CALN1: variants seen among roughly 807,000 people sequenced by gnomAD.
The protein encoded by CALN1 is calneuron 1.
In CALN1, 17 loss-of-function variants were observed where a neutral mutation model predicts 30.6. The ratio of observed to expected loss-of-function variants is 0.56; its 90% CI spans 0.38 to 0.83. The LOEUF (loss-of-function observed/expected upper bound fraction) is 0.83, where lower values mean the gene tolerates loss of function less well. CALN1 is among the 40% of genes least tolerant of loss of function. The pLI is 0.00. For missense variants in CALN1, 291 were observed against 354.9 expected (o/e 0.82, Z 1.45); for synonymous variants, 156 against 131.4 (o/e 1.19, Z -1.28).
intron 2 of CALN1, among the ~76,000 whole-genome samples, chr7:72,366,905 A>G (rs1803909108): frequency 6.6e-6 from 1 of 152,152 alleles, no homozygotes; most frequent in African/African-American, 2.4e-5. Flanking sequence ...GAATAGCCCC[A>G]AGCTGGAAAC....
intron 3 of CALN1, among the ~76,000 whole-genome samples, chr7:72,261,232 T>C (rs1332724816): frequency 2.6e-5 from 4 of 152,020 alleles, no homozygotes; most frequent in South Asian, 2.1e-4. Flanking sequence ...TGCTTGAACC[T>C]GGGAGGCAGA....
At chr7:71,828,641 C>T (rs1789070991) in intron 5 of CALN1, among the ~76,000 whole-genome samples, 1 of 149,194 alleles carries the variant, frequency 6.7e-6, no homozygotes, top group African/African-American at 2.5e-5. Flanking sequence ...TGAACAGAAC[C>T]AATGAACTTC....
chr7:72,331,762 T>C (rs1284557674), intron 2 of CALN1, among the ~76,000 whole-genome samples: 2 of 152,162 alleles, frequency 1.3e-5, no homozygotes, highest in African/African-American at 4.8e-5. Flanking sequence ...CAGGTAAATG[T>C]GTACCATGGT....
intron 4 of CALN1, among the ~76,000 whole-genome samples, chr7:72,024,052 C>A (rs765491245): frequency 2.7e-4 from 41 of 152,132 alleles, no homozygotes; most frequent in South Asian, 1.0e-3. Context: ...TATACCTCAC[C>A]CCTGCTTCTC....
At chr7:72,339,287 G>C (rs1802274149) in intron 2 of CALN1, among the ~76,000 whole-genome samples, 1 of 152,150 alleles carries the variant, frequency 6.6e-6, no homozygotes, top group Admixed American at 6.5e-5. Flanking sequence ...TCAGAATGCA[G>C]ATACCTCTTC....
intron 2 of CALN1, among the ~76,000 whole-genome samples, chr7:72,327,988 T>C (rs1263142366): frequency 1.3e-5 from 2 of 152,206 alleles, no homozygotes; most frequent in African/African-American, 4.8e-5. Flanking sequence ...ATGTATGTAT[T>C]TGAAATGCAT....
chr7:71,810,576 C>A, intron 5 of CALN1, 84 bp from the exon 6 acceptor site: 1 of 1,396,722 alleles, frequency 7.2e-7, no homozygotes, highest in South Asian at 1.3e-5. Flanking sequence ...AGACCCACAG[C>A]TGCTCTGCAG....
chr7:72,496,890 T>C, the CALN1 span, among the ~76,000 whole-genome samples: 1 of 152,144 alleles, frequency 6.6e-6, no homozygotes, highest in Non-Finnish European at 1.5e-5. Context: ...TAAAGTTTTA[T>C]TAGGGCTTAT....
chr7:72,011,820 T>G (rs1313652982), intron 5 of CALN1, among the ~76,000 whole-genome samples: 3 of 151,874 alleles, frequency 2.0e-5, no homozygotes, highest in Admixed American at 6.6e-5. Flanking sequence ...AATTTTTAGG[T>G]TTTTTTTGTA....
chr7:72,013,247 A>ATTTTTTTTTT (rs1025112311), intron 5 of CALN1, among the ~76,000 whole-genome samples: 8 of 92,976 alleles, frequency 8.6e-5, no homozygotes, highest in African/African-American at 2.8e-4. Context: ...CTAATTTGAG[A>ATTTTTTTTTT]TTTTTTTTTT....
At chr7:72,013,245 A>G (rs998484938) in intron 5 of CALN1, among the ~76,000 whole-genome samples, 7 of 131,626 alleles carry the variant, frequency 5.3e-5, no homozygotes, top group African/African-American at 2.3e-4. Context: ...TGCTAATTTG[A>G]GATTTTTTTT....
chr7:72,466,941 T>C, the CALN1 span, among the ~76,000 whole-genome samples: 1 of 151,694 alleles, frequency 6.6e-6, no homozygotes, highest in Non-Finnish European at 1.5e-5. Context: ...AAGTGAAGGA[T>C]GTTTTGAGGG....
chr7:72,034,368 A>T (rs1382249417), intron 4 of CALN1, among the ~76,000 whole-genome samples: 1 of 150,584 alleles, frequency 6.6e-6, no homozygotes, highest in Non-Finnish European at 1.5e-5. Flanking sequence ...AAAAAAAAAA[A>T]AAGAAAAGAA....
At chr7:72,278,018 G>GGGGA (rs1339550306) in intron 3 of CALN1, among the ~76,000 whole-genome samples, 3 of 127,122 alleles carry the variant, frequency 2.4e-5, no homozygotes, top group Non-Finnish European at 3.5e-5. Flanking sequence ...CGGGGGGGGG[G>GGGGA]GACTTGTTTT....
intron 5 of CALN1, among the ~76,000 whole-genome samples, chr7:71,828,347 C>T (rs900521579): frequency 6.6e-6 from 1 of 152,058 alleles, no homozygotes; most frequent in Non-Finnish European, 1.5e-5. Context: ...ATATCCACAT[C>T]CTAATCCTGA....
chr7:72,336,958 C>A, intron 2 of CALN1: 1 of 985,212 alleles, frequency 1.0e-6, no homozygotes, highest in Non-Finnish European at 1.2e-6. Context: ...CTCGTCGACT[C>A]GGAGCGCGAT....
At chr7:71,808,216 A>G (rs1160085150) in intron 6 of CALN1, among the ~76,000 whole-genome samples, 1 of 151,900 alleles carries the variant, frequency 6.6e-6, no homozygotes, top group Non-Finnish European at 1.5e-5. Context: ...TATGGTGATA[A>G]TTATTACCAT....
intron 2 of CALN1, among the ~76,000 whole-genome samples, chr7:72,303,523 C>A (rs1166162855): frequency 6.6e-6 from 1 of 150,620 alleles, no homozygotes; most frequent in East Asian, 1.9e-4. Flanking sequence ...CGCCATTGCA[C>A]TCCAGCCTGG....
intron 2 of CALN1, among the ~76,000 whole-genome samples, chr7:72,357,367 G>A (rs1165115983): frequency 1.3e-5 from 2 of 152,078 alleles, no homozygotes; most frequent in African/African-American, 4.8e-5. Context: ...GAGAGGCCTC[G>A]TGGGACCAGG....
Sources: allele counts gnomAD v4.1 joint callset (sites outside exome capture counted in the v4.1 genomes callset), GRCh38; gene constraint gnomAD v4.1.1; transcripts MANE v1.5; gene names NCBI Gene and HGNC (gene_info 2026-07-23, HGNC 2026-07-21).